Variants in DNAH17 observed in about 807,000 individuals in gnomAD.
DNAH17 encodes dynein axonemal heavy chain 17, also known as axonemal beta dynein heavy chain 17.
Under a neutral mutation model 485.6 loss-of-function variants are expected in DNAH17, and 376 were observed. The observed-to-expected ratio is 0.77, with a 90% CI of 0.71 to 0.84. The LOEUF (loss-of-function observed/expected upper bound fraction) is 0.84. DNAH17 is among the 40% of genes least tolerant of loss of function. The probability of loss-of-function intolerance (pLI) is 0.00; values close to 1 mark genes in which losing one functional copy is unlikely to be tolerated. For synonymous variants in DNAH17, 3,031 were observed against 2,405.9 expected, an observed-to-expected ratio of 1.26 and a Z score of -7.60; for missense variants, 6,370 against 5,839.3, an observed-to-expected ratio of 1.09 and a Z score of -2.96.
intron 67 of DNAH17, 41 bp downstream of exon 67, chr17:78,450,641 A>G: frequency 6.3e-7 from 1 of 1,593,024 alleles, no homozygotes; most frequent in African/African-American, 1.3e-5. Flanking sequence ...CCAGCCTCCC[A>G]AGCCCTGGCT....
At position 78,552,399 on chromosome 17, in the gene DNAH17, AAACC is replaced by A. The variant is rs533209667; in HGVS notation, c.2287+294_2287+297del. Among the ~76,000 whole-genome samples, 652 of 152,328 alleles carry A rather than the reference AAACC, an allele frequency of 4.3e-3. 19 individuals are homozygous for A. The highest frequency in any genetic ancestry group is 0.038 in the Admixed American group (584 of 15,306). ...TGTGCATGCTCTGTGCATGCTTGAT[AAACC>A]AACAGTGGAAACTGGGCCTCCAGCA... On this transcript the variant is annotated intron_variant, in intron 15 of 80. Coordinates refer to ENST00000389840, the MANE Select transcript of DNAH17 (RefSeq NM_173628.4).
chr17:78,437,573 G>C, intron 74 of DNAH17, 68 bp downstream of exon 74: 1 of 1,367,222 alleles, frequency 7.3e-7, no homozygotes, highest in Admixed American at 2.1e-5. Context: ...TGGTCCTCGG[G>C]GCCCCAAGGG....
At chr17:78,481,444 C>G (rs946519063) in intron 48 of DNAH17, among the ~76,000 whole-genome samples, 3 of 152,126 alleles carry the variant, frequency 2.0e-5, no homozygotes, top group African/African-American at 7.2e-5. Context: ...TGACTTCATG[C>G]TCTCCAGAGA....
chr17:78,477,943 CACCATT>C (rs2089118360), intron 51 of DNAH17, among the ~76,000 whole-genome samples: 1 of 149,774 alleles, frequency 6.7e-6, no homozygotes, highest in African/African-American at 2.5e-5. Context: ...TCACCACCAT[CACCATT>C]ATCATCTCCA....
At position 78,571,658 on chromosome 17, in the gene DNAH17, G is replaced by T. The variant is rs2092360102; in HGVS notation, c.664C>A (p.Pro222Thr). ...SAQALLDGLH[P>T]LPQVEFEFWD... ...AACTCGAACTCCACTTGGGGCAGGG[G>T]GTGCAGCCCATCCAGCAGCGCCTGG... The change falls in exon 4 of 81, where the codon CCC (proline) becomes ACC (threonine). Residue 222 changes from proline (P) to threonine (T), a missense_variant. Coordinates refer to ENST00000389840, the MANE Select transcript of DNAH17 (RefSeq NM_173628.4). 6.2e-7 allele frequency: 1 copy of T among 1,614,054 alleles called. No homozygotes were observed. The highest frequency in any genetic ancestry group is 2.2e-5 in the East Asian group (1 of 44,882).
chr17:78,460,151 TC>T lies in DNAH17; in HGVS notation c.9435+10del. 2 of 1,595,538 alleles carry T rather than the reference TC, an allele frequency of 1.3e-6. No individual in the cohort carries two copies. Among genetic ancestry groups the T allele is most frequent in the Non-Finnish European group, 8.6e-7 (1 of 1,169,480 alleles). ...AGGCCAGGGGTCCCCTTTCTTTCCCTCCCCCTTTACCTTATTCAGAGTGTCC... is the reference window on the plus strand; with the variant it reads ...AGGCCAGGGGTCCCCTTTCTTTCCCTCCCCTTTACCTTATTCAGAGTGTCC... On this transcript the variant is annotated intron_variant, in intron 59 of 80. Coordinates refer to ENST00000389840, the MANE Select transcript of DNAH17 (RefSeq NM_173628.4).
chr17:78,423,934 G>A lies in DNAH17; in HGVS notation c.13361C>T (p.Ala4454Val). 6.2e-7 allele frequency: 1 copy of A among 1,613,986 alleles called. No homozygotes were observed. Among genetic ancestry groups the A allele is most frequent in the Non-Finnish European group, 8.5e-7 (1 of 1,179,888 alleles). ...AACCTGTAGGAGCAGCGCCACGGCT[G>A]CCAGGATCCACTTCGCTGCCTTCTC... The part of the protein sequence containing the change: ...TKEKAAKWIL[A>V]AVALLLQV The change falls in exon 81 of 81, where the codon GCA (alanine) becomes GTA (valine). Residue 4454 changes from alanine (A) to valine (V), a missense_variant. Ala to Val is a moderately conservative substitution (Grantham distance 64). Coordinates refer to ENST00000389840, the MANE Select transcript of DNAH17 (RefSeq NM_173628.4).
chr17:78,576,336 T>C lies in DNAH17; in HGVS notation c.-26+959A>G, dbSNP rs542475927. 1.6e-4 allele frequency among the ~76,000 whole-genome samples: 24 copies of C among 152,172 alleles called. No homozygotes were observed. The East Asian group carries it at 4.4e-3, about 28-fold the overall frequency. On this transcript the variant is annotated intron_variant, in intron 1 of 80. Transcript: ENST00000389840. ...TAGCATTTGGATGCTATTCAAATGGTCTGAGATTTATTCAAGGCTCCAAAC... is the reference window on the plus strand; with the variant it reads ...TAGCATTTGGATGCTATTCAAATGGCCTGAGATTTATTCAAGGCTCCAAAC...
intron 69 of DNAH17, among the ~76,000 whole-genome samples, chr17:78,447,161 A>C (rs1180712011): frequency 6.6e-6 from 1 of 152,152 alleles, no homozygotes; most frequent in Non-Finnish European, 1.5e-5. Flanking sequence ...AAACCGCCTC[A>C]AGTGATCCTC....
chr17:78,464,190 T>C (rs1452822466), intron 56 of DNAH17, among the ~76,000 whole-genome samples: 6 of 152,188 alleles, frequency 3.9e-5, no homozygotes, highest in Non-Finnish European at 8.8e-5. Flanking sequence ...TGGTCAAAAG[T>C]GAGCCAGGGT....
At chr17:78,483,660 C>T (rs6501216) in intron 48 of DNAH17, among the ~76,000 whole-genome samples, 5 of 9,712 alleles carry the variant, frequency 5.1e-4, no homozygotes, top group Non-Finnish European at 4.4e-4. Context: ...ATAATAATAA[C>T]CCAGCTCCGC....
intron 56 of DNAH17, among the ~76,000 whole-genome samples, chr17:78,464,386 A>AG (rs2146545930): frequency 6.6e-6 from 1 of 152,244 alleles, no homozygotes; most frequent in Admixed American, 6.5e-5. Flanking sequence ...TAGCCTCTGG[A>AG]GTAGCTAGGA....
At chr17:78,561,650 A>G in intron 12 of DNAH17, 65 bp downstream of exon 12, 1 of 1,510,848 alleles carries the variant, frequency 6.6e-7, no homozygotes, top group Non-Finnish European at 8.9e-7. Flanking sequence ...GGGTTGGGAC[A>G]GTCCCTCTCG....
At chr17:78,520,740 A>G (rs1408559124) in intron 25 of DNAH17, among the ~76,000 whole-genome samples, 1 of 152,212 alleles carries the variant, frequency 6.6e-6, no homozygotes, top group Admixed American at 6.5e-5. Context: ...GAGCCAAATA[A>G]ATGGAGAGAT....
chr17:78,430,129 G>A (rs777880564), intron 75 of DNAH17, among the ~76,000 whole-genome samples: 31 of 152,156 alleles, frequency 2.0e-4, no homozygotes, highest in African/African-American at 6.5e-4. Flanking sequence ...GCTCATGGGC[G>A]GCCTCGCCAT....
chr17:78,484,740 C>CCCCCCAGG, intron 48 of DNAH17, 128 bp downstream of exon 48: 5 of 332,056 alleles, frequency 1.5e-5, no homozygotes, highest in Non-Finnish European at 1.9e-5. Flanking sequence ...CGTTGCAGCA[C>CCCCCCAGG]CCCCCCCACC....
intron 74 of DNAH17, among the ~76,000 whole-genome samples, chr17:78,436,087 G>A (rs1209749770): frequency 6.6e-6 from 1 of 152,168 alleles, no homozygotes; most frequent in Non-Finnish European, 1.5e-5. Context: ...CACATTCATG[G>A]ACCGATACAC....
chr17:78,537,249 G>C (rs2091402867), intron 19 of DNAH17, 50 bp downstream of exon 19: 1 of 1,522,260 alleles, frequency 6.6e-7, no homozygotes, highest in Non-Finnish European at 8.9e-7. Context: ...ACACCAAATG[G>C]GGAAAGCAAT....
rs1239277675 is a variant in DNAH17, at chr17:78,450,286, T to G, written c.11008A>C (p.Lys3670Gln). ...GAGAACTGGTAGACGGGGTTGATTT[T>G]GTTGAGATCGTTCAGTATGAAGTAG... ...LLYFILNDLN[K>Q]INPVYQFSLK... Residue 3670 changes from lysine to glutamine, a missense_variant, in exon 68 of 81, where the codon AAA becomes CAA. Transcript: ENST00000389840. The G allele has an allele frequency of 6.2e-7, 1 of 1,613,844 alleles. No homozygotes were observed. Among genetic ancestry groups the G allele is most frequent in the East Asian group, 2.2e-5 (1 of 44,892 alleles).
Sources: allele counts gnomAD v4.1 joint callset (sites outside exome capture counted in the v4.1 genomes callset), GRCh38; gene constraint gnomAD v4.1.1; transcripts MANE v1.5; gene names NCBI Gene and HGNC (gene_info 2026-07-23, HGNC 2026-07-21).